OLA1: variants seen among roughly 807,000 people sequenced by gnomAD.
The protein encoded by OLA1 is obg-like ATPase 1.
In OLA1, 14 loss-of-function variants were observed where a neutral mutation model predicts 48.4. The ratio of observed to expected loss-of-function variants is 0.29; its 90% CI spans 0.19 to 0.45. OLA1 has a LOEUF of 0.45. OLA1 is among the 20% of genes least tolerant of loss of function. The pLI, the probability that OLA1 is intolerant of heterozygous loss-of-function variation, is 1.00. For synonymous variants in OLA1, 127 were observed against 150.4 expected (o/e 0.84, Z 1.14); for missense variants, 325 against 467.1 (o/e 0.70, Z 2.80).
chr2:174,073,352 C>G lies in OLA1; in HGVS notation c.*2074G>C, dbSNP rs1431753578. On this transcript the variant is annotated 3_prime_UTR_variant, in exon 11 of 11. Coordinates refer to ENST00000284719, the MANE Select transcript of OLA1 (RefSeq NM_013341.5). ...ATTAAGATGGAGCTACAGATACATG[C>G]AAAAATATTTACATAACATCCTAAA... The G allele has an allele frequency of 6.6e-6, 1 of 151,786 alleles. No homozygotes were observed. Among genetic ancestry groups the G allele is most frequent in the Admixed American group, 6.6e-5 (1 of 15,234 alleles). The allele number at this position is 151,786 out of a possible 1,614,324, so 9.4% of individuals were successfully genotyped here.
chr2:174,184,073 A>C (rs1687603421), intron 4 of OLA1, among the ~76,000 whole-genome samples: 1 of 152,188 alleles, frequency 6.6e-6, no homozygotes, highest in Admixed American at 6.5e-5. Context: ...ATAGGATGAA[A>C]ATTTTTTATA....
intron 7 of OLA1, among the ~76,000 whole-genome samples, chr2:174,099,168 T>A (rs1023088952): frequency 6.6e-6 from 1 of 152,124 alleles, no homozygotes; most frequent in Middle Eastern, 3.4e-3. Context: ...TTATTTTTTT[T>A]TTTTTTGAGA....
At chr2:174,097,880 C>T (rs138015195) in intron 7 of OLA1, among the ~76,000 whole-genome samples, 302 of 152,222 alleles carry the variant, frequency 2.0e-3, no homozygotes, top group Middle Eastern at 0.01. Flanking sequence ...CTTCCTTATT[C>T]TAATAAAAGA....
intron 4 of OLA1, among the ~76,000 whole-genome samples, chr2:174,209,447 G>C (rs1688194042): frequency 6.6e-6 from 1 of 151,966 alleles, no homozygotes; most frequent in South Asian, 2.1e-4. Flanking sequence ...CTAAGCAAAT[G>C]AAAGGGCCCA....
At chr2:174,230,713 A>G (rs1305209503) in intron 2 of OLA1, among the ~76,000 whole-genome samples, 1 of 152,206 alleles carries the variant, frequency 6.6e-6, no homozygotes, top group Non-Finnish European at 1.5e-5. Context: ...TTATAAGACT[A>G]AAAACCAGAT....
chr2:174,179,509 G>A (rs1687485943), intron 4 of OLA1, among the ~76,000 whole-genome samples: 2 of 151,750 alleles, frequency 1.3e-5, no homozygotes, highest in East Asian at 1.9e-4. Flanking sequence ...CAACAGTTAC[G>A]GAACCTGTAA....
intron 4 of OLA1, among the ~76,000 whole-genome samples, chr2:174,153,653 T>C (rs966281447): frequency 3.3e-5 from 5 of 152,226 alleles, no homozygotes; most frequent in African/African-American, 9.6e-5. Context: ...TTATGAATTA[T>C]AACCCAGAGT....
At chr2:174,133,950 GTCTCT>G (rs1174249945) in intron 5 of OLA1, among the ~76,000 whole-genome samples, 1 of 152,066 alleles carries the variant, frequency 6.6e-6, no homozygotes, top group Non-Finnish European at 1.5e-5. Flanking sequence ...CCTCCCCCTA[GTCTCT>G]GACAACCACC....
intron 5 of OLA1, among the ~76,000 whole-genome samples, chr2:174,139,005 C>T (rs1325396254): frequency 6.6e-6 from 1 of 152,150 alleles, no homozygotes; most frequent in Non-Finnish European, 1.5e-5. Flanking sequence ...TTAAGCCCTC[C>T]TAACTTCATT....
intron 7 of OLA1, among the ~76,000 whole-genome samples, chr2:174,088,098 T>C (rs925453595): frequency 3.9e-5 from 6 of 152,186 alleles, no homozygotes; most frequent in African/African-American, 1.2e-4. Context: ...CATCTCAATA[T>C]ACACAAAATG....
At chr2:174,184,446 C>T (rs1423974849) in intron 4 of OLA1, among the ~76,000 whole-genome samples, 1 of 152,060 alleles carries the variant, frequency 6.6e-6, no homozygotes, top group African/African-American at 2.4e-5. Flanking sequence ...AATATCTGAA[C>T]AGTGAAGTAT....
chr2:174,090,051 T>G (rs1317280532), intron 7 of OLA1, among the ~76,000 whole-genome samples: 2 of 152,176 alleles, frequency 1.3e-5, no homozygotes, highest in Non-Finnish European at 2.9e-5. Flanking sequence ...AATCTAAATT[T>G]ATATCAAGTG....
intron 4 of OLA1, among the ~76,000 whole-genome samples, chr2:174,191,642 G>T (rs941545078): frequency 1.3e-5 from 2 of 151,862 alleles, no homozygotes; most frequent in Non-Finnish European, 2.9e-5. Context: ...TTTAAAATTT[G>T]TGTAGATATG....
chr2:174,206,365 T>C (rs1340321765), intron 4 of OLA1, among the ~76,000 whole-genome samples: 1 of 151,986 alleles, frequency 6.6e-6, no homozygotes, highest in Non-Finnish European at 1.5e-5. Flanking sequence ...AGACCTCATC[T>C]CTTAAAAAAA....
intron 4 of OLA1, among the ~76,000 whole-genome samples, chr2:174,190,624 A>G (rs1687752402): frequency 6.6e-6 from 1 of 152,000 alleles, no homozygotes; most frequent in Admixed American, 6.6e-5. Context: ...ACTGCTTCAA[A>G]TGATTTACCT....
intron 2 of OLA1, among the ~76,000 whole-genome samples, chr2:174,241,098 G>A (rs1187236729): frequency 6.6e-6 from 1 of 152,126 alleles, no homozygotes; most frequent in Non-Finnish European, 1.5e-5. Context: ...AAGGAAGCTT[G>A]GTCTAGAGAC....
chr2:174,238,783 C>T (rs1688925678), intron 2 of OLA1, among the ~76,000 whole-genome samples: 1 of 151,972 alleles, frequency 6.6e-6, no homozygotes, highest in African/African-American at 2.4e-5. Flanking sequence ...CTGAAGCAGA[C>T]AGAGTACAAA....
chr2:174,210,325 CA>C (rs1383954783), intron 4 of OLA1, among the ~76,000 whole-genome samples: 1 of 152,138 alleles, frequency 6.6e-6, no homozygotes, highest in Non-Finnish European at 1.5e-5. Context: ...AGACTGGGAA[CA>C]GGGGCAAACA....
intron 4 of OLA1, among the ~76,000 whole-genome samples, chr2:174,148,151 C>T (rs1293153346): frequency 6.6e-6 from 1 of 152,196 alleles, no homozygotes; most frequent in Non-Finnish European, 1.5e-5. Context: ...CTTTGGGAGG[C>T]CGAGGCGGGC....
Sources: allele counts gnomAD v4.1 joint callset (sites outside exome capture counted in the v4.1 genomes callset), GRCh38; gene constraint gnomAD v4.1.1; transcripts MANE v1.5; gene names NCBI Gene and HGNC (gene_info 2026-07-23, HGNC 2026-07-21).